Variants in MACROD2 observed in about 807,000 individuals in gnomAD.
MACROD2 encodes mono-ADP ribosylhydrolase 2, also known as ADP-ribose glycohydrolase MACROD2.
A neutral mutation model predicts 70.4 loss-of-function variants in MACROD2; 36 were observed. The observed-to-expected ratio is 0.51, with a 90% CI of 0.39 to 0.68. MACROD2 has a LOEUF of 0.68. Ranked by LOEUF, MACROD2 falls within the 30% of genes least tolerant of loss-of-function variation. The pLI, the probability that MACROD2 is intolerant of heterozygous loss-of-function variation, is 0.00. For missense variants in MACROD2, 496 were observed against 538.4 expected (o/e 0.92, Z 0.78); for synonymous variants, 172 against 178.8 (o/e 0.96, Z 0.30).
At chr20:15,600,590 G>T (rs2048805733) in intron 8 of MACROD2, among the ~76,000 whole-genome samples, 1 of 152,154 alleles carries the variant, frequency 6.6e-6, no homozygotes, top group South Asian at 2.1e-4. Context: ...CAAAATAGTT[G>T]TGTGATGTCC....
intron 10 of MACROD2, among the ~76,000 whole-genome samples, chr20:15,923,157 G>A (rs970504185): frequency 2.6e-5 from 4 of 152,088 alleles, no homozygotes; most frequent in Admixed American, 1.3e-4. Context: ...TAGACCAATT[G>A]TATTAGTCTG....
chr20:14,599,577 A>C (rs1982351872), intron 4 of MACROD2, among the ~76,000 whole-genome samples: 1 of 152,154 alleles, frequency 6.6e-6, no homozygotes, highest in Non-Finnish European at 1.5e-5. Context: ...GGGAGCCTAA[A>C]ATGTTAAACT....
intron 5 of MACROD2, among the ~76,000 whole-genome samples, chr20:14,826,310 T>C (rs892758853): frequency 6.6e-6 from 1 of 152,020 alleles, no homozygotes; most frequent in Non-Finnish European, 1.5e-5. Flanking sequence ...CCCTAATAAA[T>C]ACATGTATTA....
At chr20:14,299,380 GT>G (rs140410263) in intron 3 of MACROD2, among the ~76,000 whole-genome samples, 2,294 of 152,104 alleles carry the variant, frequency 0.015, 24 homozygotes, top group African/African-American at 0.027. Flanking sequence ...TAGTATAAAC[GT>G]TAACTTTTAT....
intron 3 of MACROD2, among the ~76,000 whole-genome samples, chr20:14,428,971 T>C (rs2083965005): frequency 6.6e-6 from 1 of 152,190 alleles, no homozygotes; most frequent in African/African-American, 2.4e-5. Context: ...TCTAATATTG[T>C]CCTGTTCTTG....
At chr20:15,012,928 C>G (rs919702862) in intron 5 of MACROD2, among the ~76,000 whole-genome samples, 9 of 152,170 alleles carry the variant, frequency 5.9e-5, no homozygotes, top group African/African-American at 1.7e-4. Context: ...AGAGTCTGAT[C>G]ATACACGGCT....
chr20:15,820,038 A>G (rs1177132666), intron 8 of MACROD2, among the ~76,000 whole-genome samples: 4 of 152,070 alleles, frequency 2.6e-5, no homozygotes, highest in Non-Finnish European at 1.5e-5. Flanking sequence ...AAATATACAC[A>G]ATAGATTTTT....
At chr20:14,035,450 G>A (rs1308093685) in intron 2 of MACROD2, among the ~76,000 whole-genome samples, 3 of 152,144 alleles carry the variant, frequency 2.0e-5, no homozygotes, top group Non-Finnish European at 4.4e-5. Flanking sequence ...TGCAAACAGT[G>A]TATTCTCAAC....
At chr20:14,714,409 A>G (rs1361242665) in intron 5 of MACROD2, among the ~76,000 whole-genome samples, 1 of 152,134 alleles carries the variant, frequency 6.6e-6, no homozygotes, top group Admixed American at 6.5e-5. Flanking sequence ...TGTTCTCCAC[A>G]GTTTCAGCCA....
At chr20:14,329,963 A>G (rs2082803367) in intron 3 of MACROD2, among the ~76,000 whole-genome samples, 1 of 152,004 alleles carries the variant, frequency 6.6e-6, no homozygotes, top group African/African-American at 2.4e-5. Flanking sequence ...TTCTTGCCCA[A>G]AAGGTGACAT....
chr20:14,328,848 G>T (rs2082783047), intron 3 of MACROD2: 1 of 152,044 alleles, frequency 6.6e-6, no homozygotes, highest in Non-Finnish European at 1.5e-5. Context: ...AGGACACATG[G>T]CTTCCTATGT....
intron 5 of MACROD2, among the ~76,000 whole-genome samples, chr20:15,022,559 C>G (rs2075196449): frequency 6.6e-6 from 1 of 152,126 alleles, no homozygotes; most frequent in African/African-American, 2.4e-5. Flanking sequence ...AGTCTCATTC[C>G]CATTTAATCT....
chr20:14,315,902 T>G (rs2082608450), intron 3 of MACROD2, among the ~76,000 whole-genome samples: 1 of 152,230 alleles, frequency 6.6e-6, no homozygotes, highest in Non-Finnish European at 1.5e-5. Flanking sequence ...CCTGTCTGTC[T>G]TTATGTAGGT....
At chr20:14,031,868 A>G (rs2053249768) in intron 2 of MACROD2, among the ~76,000 whole-genome samples, 1 of 152,110 alleles carries the variant, frequency 6.6e-6, no homozygotes. Flanking sequence ...AGGATTAACA[A>G]ATAGAAGAGA....
At chr20:15,039,147 T>G (rs2075336076) in intron 5 of MACROD2, among the ~76,000 whole-genome samples, 1 of 152,156 alleles carries the variant, frequency 6.6e-6, no homozygotes, top group Non-Finnish European at 1.5e-5. Context: ...AAAACTGTGT[T>G]TTTTTAATGC....
chr20:14,447,310 G>A (rs528724990), intron 3 of MACROD2, among the ~76,000 whole-genome samples: 135 of 152,216 alleles, frequency 8.9e-4, no homozygotes, highest in African/African-American at 2.9e-3. Flanking sequence ...GAGCCACTGC[G>A]CCCAGCCGAT....
intron 6 of MACROD2, among the ~76,000 whole-genome samples, chr20:15,267,508 A>G (rs904828374): frequency 6.8e-6 from 1 of 146,710 alleles, no homozygotes; most frequent in African/African-American, 2.4e-5. Flanking sequence ...GCAAGCTGGC[A>G]CAAAATAGGA....
chr20:14,524,389 T>C (rs892735056), intron 4 of MACROD2, among the ~76,000 whole-genome samples: 1 of 152,244 alleles, frequency 6.6e-6, no homozygotes, highest in Non-Finnish European at 1.5e-5. Flanking sequence ...CCACTTTCTC[T>C]ATCTTTACTA....
chr20:15,451,429 A>T (rs7264972), intron 7 of MACROD2, among the ~76,000 whole-genome samples: 1,690 of 150,350 alleles, frequency 0.011, 42 homozygotes, highest in African/African-American at 0.039. Context: ...AAAAAAAAAA[A>T]AAAAAAAAAA....
Sources: allele counts gnomAD v4.1 joint callset (sites outside exome capture counted in the v4.1 genomes callset), GRCh38; gene constraint gnomAD v4.1.1; transcripts MANE v1.5; gene names NCBI Gene and HGNC (gene_info 2026-07-23, HGNC 2026-07-21).